TAL1: variants seen among roughly 807,000 people sequenced by gnomAD.
The protein encoded by TAL1 is T-cell acute lymphocytic leukemia protein 1.
TAL1 carries 8 observed loss-of-function variants against 17.9 expected under a neutral mutation model. The observed-to-expected ratio is 0.45, with a 90% CI of 0.26 to 0.81. The LOEUF (loss-of-function observed/expected upper bound fraction) is 0.81. Among genes scored for constraint, TAL1 ranks in the 30% least tolerant of loss-of-function variants. The pLI, the probability that TAL1 is intolerant of heterozygous loss-of-function variation, is 0.17. For missense variants in TAL1, 466 were observed against 486.9 expected, an observed-to-expected ratio of 0.96 and a Z score of 0.40; for synonymous variants, 223 against 218.6, an observed-to-expected ratio of 1.02 and a Z score of -0.18.
At chr1:47,231,496 C>A (rs1644013500), upstream of TAL1, among the ~76,000 whole-genome samples, 1 of 152,074 alleles carries the variant, frequency 6.6e-6, no homozygotes, top group South Asian at 2.1e-4. Flanking sequence ...GCCCCAGAAG[C>A]CGACTTGGTC....
At chr1:47,221,589 C>G (rs1325014594) in intron 3 of TAL1, among the ~76,000 whole-genome samples, 1 of 152,218 alleles carries the variant, frequency 6.6e-6, no homozygotes, top group Admixed American at 6.5e-5. Context: ...GCCAGGGTCA[C>G]ATAGTCCAGG....
At chr1:47,218,585 A>G (rs1645545932) in exon 4 of TAL1, 1 of 232,898 alleles carries the variant, frequency 4.3e-6, no homozygotes, top group Non-Finnish European at 8.5e-6. Flanking sequence ...GGTCTTAGCC[A>G]GGGCCTGGTC....
At chr1:47,222,033 T>A (rs1046618198) in intron 3 of TAL1, among the ~76,000 whole-genome samples, 1 of 152,246 alleles carries the variant, frequency 6.6e-6, no homozygotes, top group Admixed American at 6.5e-5. Flanking sequence ...ACAGCACAAC[T>A]GCAGGGCAGT....
intron 3 of TAL1, among the ~76,000 whole-genome samples, 186 bp from the exon 5 acceptor site, chr1:47,220,360 C>G (rs1434302680): frequency 6.6e-6 from 1 of 152,210 alleles, no homozygotes; most frequent in African/African-American, 2.4e-5. Context: ...CCCCTCCAGA[C>G]AGATGTAACC....
chr1:47,226,938 A>C (rs1011768811), intron 1 of TAL1, among the ~76,000 whole-genome samples: 6 of 152,240 alleles, frequency 3.9e-5, no homozygotes, highest in Admixed American at 3.3e-4. Context: ...TATGCATTTG[A>C]AAGTGCTGTG....
exon 4 of TAL1, chr1:47,219,281 G>A: frequency 2.1e-6 from 1 of 466,830 alleles, no homozygotes; most frequent in Non-Finnish European, 4.0e-6. Context: ...CTATAAATAT[G>A]GACAGAAGTG....
chr1:47,220,216 A>C, intron 3 of TAL1, 42 bp from the exon 5 acceptor site: 1 of 1,474,488 alleles, frequency 6.8e-7, no homozygotes, highest in South Asian at 1.5e-5. Flanking sequence ...TGGGCTTGAG[A>C]TTCCTTCCCC....
intron 1 of TAL1, among the ~76,000 whole-genome samples, chr1:47,226,890 C>A (rs2148593253): frequency 6.6e-6 from 1 of 152,348 alleles, no homozygotes; most frequent in South Asian, 2.1e-4. Context: ...CCATCTCCTG[C>A]CTTGGTGTTC....
chr1:47,225,983 G>T, intron 1 of TAL1, 94 bp from the exon 3 acceptor site: 1 of 1,324,590 alleles, frequency 7.5e-7, no homozygotes, highest in Non-Finnish European at 1.0e-6. Flanking sequence ...AGGGCAGAGA[G>T]AGGAACTCAC....
At chr1:47,225,279 C>T (rs1232408056) in intron 2 of TAL1, among the ~76,000 whole-genome samples, 164 bp downstream of exon 3, 1 of 152,220 alleles carries the variant, frequency 6.6e-6, no homozygotes, top group Non-Finnish European at 1.5e-5. Context: ...GGGGCTCCAG[C>T]TTGAGGCTCT....
exon 4 of TAL1, chr1:47,216,586 A>G (rs1241057006): frequency 4.3e-6 from 1 of 232,000 alleles, no homozygotes; most frequent in Non-Finnish European, 8.5e-6. Flanking sequence ...GTCACGTACC[A>G]TCGAAATCAC....
chr1:47,224,116 C>A lies in TAL1; in HGVS notation c.447-18G>T. The A allele has an allele frequency of 6.2e-7, 1 of 1,611,472 alleles. No homozygotes were observed. ...AGAACCCGCTGTGGGAGGGAACGGG[C>A]AGATCACAAGATCCCATGTTGAGGG... On this transcript the variant is annotated intron_variant, in intron 2 of 3. Transcript: ENST00000294339.
exon 4 of TAL1, chr1:47,220,146 G>C: frequency 5.7e-6 from 9 of 1,588,112 alleles, no homozygotes; most frequent in Non-Finnish European, 7.7e-6. Context: ...TGTTGGTGAA[G>C]ATACGCCGCA....
At chr1:47,222,995 C>T (rs1226622125) in intron 3 of TAL1, among the ~76,000 whole-genome samples, 1 of 152,186 alleles carries the variant, frequency 6.6e-6, no homozygotes. Context: ...CAGCCCTGCA[C>T]ACCTGTGCCC....
exon 2 of TAL1, chr1:47,225,799 G>A: frequency 3.2e-6 from 5 of 1,572,778 alleles, no homozygotes; most frequent in Non-Finnish European, 4.3e-6. Flanking sequence ...GCAGGACCAG[G>A]TGCGGGGGGG....
exon 4 of TAL1, chr1:47,218,650 C>T (rs948993675): frequency 1.3e-5 from 3 of 232,742 alleles, no homozygotes; most frequent in Non-Finnish European, 2.5e-5. Context: ...TCCTATTGAG[C>T]GCTAAAGATT....
At chr1:47,217,668 G>GC (rs1279057010) in exon 4 of TAL1, 13 of 398,590 alleles carry the variant, frequency 3.3e-5, no homozygotes, top group African/African-American at 2.3e-4. Flanking sequence ...GAGTCACATG[G>GC]CAAGTCTGAA....
At chr1:47,218,483 T>G (rs1413100607) in exon 4 of TAL1, 1 of 232,994 alleles carries the variant, frequency 4.3e-6, no homozygotes, top group East Asian at 6.0e-5. Flanking sequence ...TTCTATTGCA[T>G]TAAACCAACC....
chr1:47,226,021 AAGTT>A (rs1490624985), intron 1 of TAL1, 132 bp from the exon 3 acceptor site: 1 of 909,764 alleles, frequency 1.1e-6, no homozygotes, highest in Non-Finnish European at 1.5e-6. Flanking sequence ...GAGGCAGACA[AAGTT>A]AGCGCCACGT....
Sources: allele counts gnomAD v4.1 joint callset (sites outside exome capture counted in the v4.1 genomes callset), GRCh38; gene constraint gnomAD v4.1.1; transcripts MANE v1.5; gene names NCBI Gene and HGNC (gene_info 2026-07-23, HGNC 2026-07-21).